The following MYT1L variants were observed in gnomAD, a reference collection of about 807,000 sequenced individuals.
The protein encoded by MYT1L is myelin transcription factor 1-like protein.
MYT1L carries 12 observed loss-of-function variants against 126.7 expected under a neutral mutation model. The ratio of observed to expected loss-of-function variants is 0.09; its 90% CI spans 0.06 to 0.15. MYT1L has a LOEUF of 0.15. MYT1L is among the 10% of genes least tolerant of loss of function. MYT1L has a pLI of 1.00. For synonymous variants in MYT1L, 541 were observed against 604.2 expected (o/e 0.90, Z 1.53); for missense variants, 979 against 1,585.2 (o/e 0.62, Z 6.49).
chr2:2,225,597 G>A (rs975965603), intron 2 of MYT1L, among the ~76,000 whole-genome samples: 19 of 152,068 alleles, frequency 1.2e-4, no homozygotes, highest in Admixed American at 4.6e-4. Flanking sequence ...TTACTACACC[G>A]TGGTCTCTCC....
At chr2:1,966,954 T>C (rs576864897) in intron 8 of MYT1L, among the ~76,000 whole-genome samples, 1 of 152,234 alleles carries the variant, frequency 6.6e-6, no homozygotes, top group East Asian at 1.9e-4. Flanking sequence ...TTCTCACTTT[T>C]TAGCTAGATG....
At chr2:2,025,112 T>C (rs1421917518) in intron 4 of MYT1L, among the ~76,000 whole-genome samples, 1 of 152,208 alleles carries the variant, frequency 6.6e-6, no homozygotes, top group East Asian at 1.9e-4. Flanking sequence ...AAACCCAATA[T>C]AGATGGAAGT....
At chr2:2,095,656 CCTGT>C (rs891934644) in intron 3 of MYT1L, among the ~76,000 whole-genome samples, 1 of 152,202 alleles carries the variant, frequency 6.6e-6, no homozygotes, top group Admixed American at 6.5e-5. Flanking sequence ...TGAGTGTCTG[CCTGT>C]GGCTTCTCTC....
chr2:2,151,448 T>C (rs1031346530), intron 3 of MYT1L, among the ~76,000 whole-genome samples: 2 of 151,756 alleles, frequency 1.3e-5, no homozygotes, highest in Non-Finnish European at 2.9e-5. Flanking sequence ...CCATGTGGCA[T>C]GTTCACAGAC....
chr2:2,116,334 G>A (rs993935937), intron 3 of MYT1L, among the ~76,000 whole-genome samples: 2 of 152,200 alleles, frequency 1.3e-5, no homozygotes, highest in African/African-American at 4.8e-5. Context: ...ACCATGCTGA[G>A]TCGTCAAATA....
At chr2:1,969,949 G>T (rs1349543997) in intron 8 of MYT1L, among the ~76,000 whole-genome samples, 2 of 152,196 alleles carry the variant, frequency 1.3e-5, no homozygotes, top group Non-Finnish European at 2.9e-5. Context: ...GGTACTGCAG[G>T]CAGCAGCATC....
intron 4 of MYT1L, among the ~76,000 whole-genome samples, chr2:2,038,473 G>A (rs1574732945): frequency 1.3e-5 from 2 of 152,156 alleles, no homozygotes; most frequent in East Asian, 1.9e-4. Flanking sequence ...TTACTCAATG[G>A]TTGGCCAGCG....
intron 8 of MYT1L, among the ~76,000 whole-genome samples, chr2:1,946,273 C>A (rs953062079): frequency 2.0e-5 from 3 of 152,068 alleles, no homozygotes; most frequent in African/African-American, 7.3e-5. Flanking sequence ...ACTGATTCTA[C>A]ATTATGGTGA....
Position 1,917,348 on chromosome 2 carries a change from G to C in MYT1L, c.1484-9C>G. 1 of 1,598,788 alleles carries C rather than the reference G, an allele frequency of 6.3e-7. No homozygotes were observed. Among genetic ancestry groups the C allele is most frequent in the Non-Finnish European group, 8.5e-7 (1 of 1,170,104 alleles). ...TTCTGTTCTTGAGGGATCTAAAAGC[G>C]ACAACAGGTGCCAAGAGAATAAATG... On this transcript the variant is annotated splice_polypyrimidine_tract_variant and intron_variant, in intron 10 of 24. Coordinates refer to ENST00000647738, the MANE Select transcript of MYT1L (RefSeq NM_001303052.2). The surrounding 1 kb of genome is among the most constrained non-coding windows in gnomAD (Gnocchi z 5.9).
chr2:2,025,487 A>T (rs1054697645), intron 4 of MYT1L, among the ~76,000 whole-genome samples: 2 of 152,256 alleles, frequency 1.3e-5, no homozygotes, highest in Non-Finnish European at 2.9e-5. Context: ...AGCATCTGTA[A>T]GAAACATACA....
At chr2:2,087,262 T>A (rs774172270) in intron 3 of MYT1L, among the ~76,000 whole-genome samples, 1 of 152,130 alleles carries the variant, frequency 6.6e-6, no homozygotes, top group Non-Finnish European at 1.5e-5. Context: ...CTTCTTTTTT[T>A]AAAAAAAGGA....
intron 2 of MYT1L, among the ~76,000 whole-genome samples, chr2:2,283,742 A>G (rs2095481243): frequency 6.6e-6 from 1 of 152,202 alleles, no homozygotes; most frequent in Non-Finnish European, 1.5e-5. Flanking sequence ...GTTATGTCCA[A>G]GACAGATTTC....
rs73914908 is a variant in MYT1L at position 2,273,252 on chromosome 2, A to G, written c.-421+11152T>C. On this transcript the variant is annotated intron_variant, in intron 2 of 24. Transcript: ENST00000647738. ...CCTGCCTTCAGCCATTGAGAAAAAC[A>G]CTAAATAGTGAGGGAGAAGAAAAAC... Among the ~76,000 whole-genome samples the G allele has an allele frequency of 4.6e-3, 704 of 152,290 alleles. 3 individuals are homozygous for G. Among genetic ancestry groups the G allele is most frequent in the African/African-American group, 0.016 (669 of 41,552 alleles).
At chr2:2,327,767 A>G (rs1195669629) in intron 1 of MYT1L, among the ~76,000 whole-genome samples, 1 of 152,226 alleles carries the variant, frequency 6.6e-6, no homozygotes, top group African/African-American at 2.4e-5. Context: ...AGTGCAAAGC[A>G]GAGTGGTCAT....
At chr2:2,064,907 G>T (rs182419860) in intron 3 of MYT1L, among the ~76,000 whole-genome samples, 1 of 152,196 alleles carries the variant, frequency 6.6e-6, no homozygotes, top group Non-Finnish European at 1.5e-5. Context: ...AGAAATGAGT[G>T]TATGACCAGG....
intron 3 of MYT1L, among the ~76,000 whole-genome samples, chr2:2,081,134 A>G (rs918815235): frequency 6.6e-6 from 1 of 152,184 alleles, no homozygotes; most frequent in Non-Finnish European, 1.5e-5. Context: ...TGAATTATGA[A>G]CTTTAAATGG....
chr2:1,992,407 C>T (rs1377482942), intron 5 of MYT1L, among the ~76,000 whole-genome samples: 3 of 152,156 alleles, frequency 2.0e-5, no homozygotes, highest in Admixed American at 1.3e-4. Context: ...ATGCCTGATC[C>T]TACCAAGAGG....
chr2:2,202,496 G>A (rs2093125794), intron 2 of MYT1L, among the ~76,000 whole-genome samples: 1 of 152,000 alleles, frequency 6.6e-6, no homozygotes, highest in Non-Finnish European at 1.5e-5. Flanking sequence ...ATAAACACCT[G>A]TACACAAATA....
chr2:1,839,277 C>T lies in MYT1L; in HGVS notation c.2952G>A (p.Arg984=), dbSNP rs751728106. 12 of 1,613,776 alleles carry T rather than the reference C, an allele frequency of 7.4e-6. No individual in the cohort carries two copies. In the South Asian group the frequency reaches 9.9e-5, roughly 13 times the overall value. ...SASGCPLAAK[R]QKDGYLNGSQ... The stretch of plus-strand genomic sequence containing the variant: ...AGCCATTCAGGTACCCGTCTTTCTG[C>T]CTCTTGGCCGCCAAGGGGCACCCGG... Residue 984 remains arginine, a synonymous_variant, in exon 21 of 25, where the codon AGG becomes AGA. Coordinates refer to ENST00000647738, the MANE Select transcript of MYT1L (RefSeq NM_001303052.2).
Sources: allele counts gnomAD v4.1 joint callset (sites outside exome capture counted in the v4.1 genomes callset), GRCh38; gene constraint gnomAD v4.1.1; non-coding constraint Gnocchi (gnomAD v3.1); transcripts MANE v1.5; gene names NCBI Gene and HGNC (gene_info 2026-07-23, HGNC 2026-07-21).